Variants in MATCAP2 observed in about 807,000 individuals in gnomAD.
The protein encoded by MATCAP2 is microtubule associated tyrosine carboxypeptidase 2.
At chr7:36,339,499 A>G in the MATCAP2 span, among the ~76,000 whole-genome samples, 2 of 152,220 alleles carry the variant, frequency 1.3e-5, no homozygotes, top group Non-Finnish European at 2.9e-5. Flanking sequence ...CATTTTAACA[A>G]GATCCCCAGG....
At chr7:36,340,701 C>T in the MATCAP2 span, among the ~76,000 whole-genome samples, 1 of 152,180 alleles carries the variant, frequency 6.6e-6, no homozygotes, top group Non-Finnish European at 1.5e-5. Flanking sequence ...AAGAAGTAAC[C>T]TCCCCCCATC....
At chr7:36,327,245 T>G in the MATCAP2 span, among the ~76,000 whole-genome samples, 1 of 152,156 alleles carries the variant, frequency 6.6e-6, no homozygotes. Flanking sequence ...TTCAGGTGAT[T>G]CTCCTGCCTC....
the MATCAP2 span, chr7:36,335,056 C>A: frequency 8.7e-6 from 14 of 1,612,508 alleles, no homozygotes; most frequent in South Asian, 1.5e-4. Flanking sequence ...CTATTTCATG[C>A]CTCAGCATTC....
At chr7:36,364,418 G>A in the MATCAP2 span, among the ~76,000 whole-genome samples, 1 of 151,916 alleles carries the variant, frequency 6.6e-6, no homozygotes, top group Admixed American at 6.6e-5. Context: ...AAGGCCATGA[G>A]AAGTCAAAAA....
the MATCAP2 span, among the ~76,000 whole-genome samples, chr7:36,361,821 TACG>T: frequency 6.6e-5 from 10 of 152,170 alleles, no homozygotes; most frequent in Admixed American, 1.3e-4. Context: ...CAGAAGACTA[TACG>T]ACAATGAAAA....
At chr7:36,353,093 AC>A in the MATCAP2 span, among the ~76,000 whole-genome samples, 3 of 151,440 alleles carry the variant, frequency 2.0e-5, no homozygotes, top group Admixed American at 6.6e-5. Flanking sequence ...GCATAGTGAG[AC>A]CCCCCCACCT....
At chr7:36,336,623 A>G in the MATCAP2 span, among the ~76,000 whole-genome samples, 5 of 152,104 alleles carry the variant, frequency 3.3e-5, no homozygotes, top group African/African-American at 1.2e-4. Flanking sequence ...TGGCTTCTCT[A>G]AGATAATTTG....
the MATCAP2 span, among the ~76,000 whole-genome samples, chr7:36,352,434 GCTTTC>G: frequency 1.4e-5 from 2 of 146,556 alleles, no homozygotes; most frequent in African/African-American, 5.0e-5. Flanking sequence ...CTTTCTTGCA[GCTTTC>G]TTTTTCAACT....
chr7:36,389,926 CTCCT>C, the MATCAP2 span: 1 of 1,608,768 alleles, frequency 6.2e-7, no homozygotes, highest in Non-Finnish European at 8.5e-7. Flanking sequence ...CCGCCTCAGA[CTCCT>C]GGTTTTTTCC....
At chr7:36,367,618 C>T in the MATCAP2 span, among the ~76,000 whole-genome samples, 1 of 152,172 alleles carries the variant, frequency 6.6e-6, no homozygotes, top group African/African-American at 2.4e-5. Flanking sequence ...GTGCAGGAGG[C>T]TCAATGACCA....
At chr7:36,353,028 A>G in the MATCAP2 span, among the ~76,000 whole-genome samples, 1 of 151,894 alleles carries the variant, frequency 6.6e-6, no homozygotes, top group Admixed American at 6.6e-5. Flanking sequence ...TAATCTTAGC[A>G]CTTTGGGAGG....
At chr7:36,332,641 T>A in the MATCAP2 span, among the ~76,000 whole-genome samples, 1 of 152,192 alleles carries the variant, frequency 6.6e-6, no homozygotes, top group African/African-American at 2.4e-5. Context: ...TTAAAAACCC[T>A]CTTAGGCTGG....
At chr7:36,326,994 C>T in the MATCAP2 span, 2 of 1,338,224 alleles carry the variant, frequency 1.5e-6, no homozygotes, top group East Asian at 2.3e-5. Flanking sequence ...CTTCCCTGGG[C>T]CTTAAATGAA....
the MATCAP2 span, among the ~76,000 whole-genome samples, chr7:36,365,301 G>A: frequency 6.6e-6 from 1 of 152,198 alleles, no homozygotes; most frequent in Non-Finnish European, 1.5e-5. Context: ...AGAAGGAGAT[G>A]TTGCCCTACC....
chr7:36,363,013 T>C, the MATCAP2 span, among the ~76,000 whole-genome samples: 5 of 152,186 alleles, frequency 3.3e-5, no homozygotes, highest in Non-Finnish European at 5.9e-5. Context: ...CTGTCCTGCT[T>C]ATGAAAGGGG....
At chr7:36,337,496 G>A in the MATCAP2 span, among the ~76,000 whole-genome samples, 2 of 152,084 alleles carry the variant, frequency 1.3e-5, no homozygotes, top group Admixed American at 6.5e-5. Context: ...AAGAACCTAG[G>A]GAATTCATAT....
chr7:36,387,699 G>T, the MATCAP2 span, among the ~76,000 whole-genome samples: 4 of 152,168 alleles, frequency 2.6e-5, no homozygotes, highest in African/African-American at 9.7e-5. Context: ...GTGGGATGGT[G>T]AGGGAAGATA....
the MATCAP2 span, chr7:36,334,915 C>T: frequency 2.5e-6 from 2 of 801,534 alleles, no homozygotes; most frequent in Non-Finnish European, 3.9e-6. Flanking sequence ...AAGCTCATGA[C>T]TTCTTGCTAA....
At chr7:36,373,505 C>T in the MATCAP2 span, among the ~76,000 whole-genome samples, 1 of 152,118 alleles carries the variant, frequency 6.6e-6, no homozygotes, top group African/African-American at 2.4e-5. Flanking sequence ...ATCCTGGACC[C>T]ACATGAAGGT....
Sources: gnomAD v4.1 joint callset for allele counts (sites outside exome capture counted in the v4.1 genomes callset) on GRCh38, gnomAD v4.1.1 for gene constraint, MANE v1.5 for transcripts, NCBI Gene and HGNC (gene_info 2026-07-23, HGNC 2026-07-21) for gene names.